EIF2B3: variants seen among roughly 807,000 people sequenced by gnomAD.
The protein encoded by EIF2B3 is translation initiation factor eIF2B subunit gamma.
A neutral mutation model predicts 54.1 loss-of-function variants in EIF2B3; 20 were observed. That is an observed-to-expected ratio of 0.37 (90% CI 0.26 to 0.54). The LOEUF (loss-of-function observed/expected upper bound fraction) is 0.54, where lower values mean the gene tolerates loss of function less well. Ranked by LOEUF, EIF2B3 falls within the 20% of genes least tolerant of loss-of-function variation. The pLI, the probability that EIF2B3 is intolerant of heterozygous loss-of-function variation, is 0.86. For synonymous variants in EIF2B3, 153 were observed against 188.1 expected (o/e 0.81, Z 1.52); for missense variants, 448 against 547.8 (o/e 0.82, Z 1.82).
chr1:44,923,006 T>C (rs1001558990), intron 5 of EIF2B3, among the ~76,000 whole-genome samples: 1 of 151,946 alleles, frequency 6.6e-6, no homozygotes, highest in Non-Finnish European at 1.5e-5. Flanking sequence ...CCACCATGCC[T>C]GGCTAATTCT....
chr1:44,966,200 G>A (rs963005703), intron 3 of EIF2B3, among the ~76,000 whole-genome samples: 10 of 152,062 alleles, frequency 6.6e-5, no homozygotes, highest in African/African-American at 2.4e-4. Context: ...AGCACTTCGG[G>A]AGGCTGAGGA....
At chr1:44,983,398 C>T (rs1418035043) in intron 1 of EIF2B3, among the ~76,000 whole-genome samples, 4 of 152,214 alleles carry the variant, frequency 2.6e-5, no homozygotes, top group Non-Finnish European at 5.9e-5. Flanking sequence ...AAGTGCAGCA[C>T]TTAACACCTA....
intron 3 of EIF2B3, among the ~76,000 whole-genome samples, chr1:44,975,454 G>A (rs1027472467): frequency 1.3e-5 from 2 of 152,076 alleles, no homozygotes. Flanking sequence ...ATAGCCTATT[G>A]TTCCTAGGTA....
rs1447969387 is a variant in EIF2B3 at position 44,875,521 on chromosome 1, G to A, written c.1053+97C>T. 9.8e-6 allele frequency: 11 copies of A among 1,123,630 alleles called. No individual in the cohort carries two copies. The East Asian group carries it at 2.4e-4, about 24-fold the overall frequency. 69.6% of individuals were successfully genotyped at this position (1,123,630 alleles called of 1,614,324 possible). On this transcript the variant is annotated intron_variant, in intron 9 of 11. Transcript: ENST00000360403. ...ACTGTGATTTCCCTGGGGCTGATGA[G>A]GTTCAGGACTTAAAGGCCTCAATCC...
In EIF2B3 at chr1:44,865,498, G is replaced by T. The variant is rs571616176; in HGVS notation, c.1203-7691C>A. 7.1e-4 allele frequency among the ~76,000 whole-genome samples: 107 copies of T among 151,532 alleles called. 2 individuals carry two copies. The highest frequency in any genetic ancestry group is 3.8e-3 in the Admixed American group (58 of 15,208). ...TATTATAGATAAAGCTTCCTTCTGTGGTTTTGTTTTTTCAATTTGGTGAGC... is the reference window on the plus strand; with the variant it reads ...TATTATAGATAAAGCTTCCTTCTGTTGTTTTGTTTTTTCAATTTGGTGAGC... On this transcript the variant is annotated intron_variant, in intron 10 of 11. Coordinates refer to ENST00000360403, the MANE Select transcript of EIF2B3 (RefSeq NM_020365.5).
intron 10 of EIF2B3, chr1:44,874,455 G>A: frequency 1.8e-6 from 1 of 556,606 alleles, no homozygotes. Flanking sequence ...TGAATCTCTT[G>A]TTTCTGATCT....
At position 44,897,277 on chromosome 1, in the gene EIF2B3, T is replaced by C. The variant is rs989006854; in HGVS notation, c.656+78A>G. The C allele has an allele frequency of 4.0e-5, 42 of 1,055,008 alleles. 1 individual carries two copies. The East Asian group carries it at 1.0e-3, about 26-fold the overall frequency. The allele number at this position is 1,055,008 out of a possible 1,614,324, so 65.4% of individuals were successfully genotyped here. A position where few individuals can be genotyped will look rare whatever the true frequency, so the allele number is the denominator to read the frequency against. ...TTTTAGAAACTGGTTATCTAAATTA[T>C]GAAGGTTTAAAATTTAAGGAATTCA... On this transcript the variant is annotated intron_variant, in intron 6 of 11. Transcript: ENST00000360403.
At chr1:44,913,100 G>A (rs994243253) in intron 5 of EIF2B3, among the ~76,000 whole-genome samples, 3 of 124,786 alleles carry the variant, frequency 2.4e-5, no homozygotes, top group East Asian at 2.6e-4. Flanking sequence ...AAGCAATTGC[G>A]GTTTTTGTTA....
intron 4 of EIF2B3, among the ~76,000 whole-genome samples, chr1:44,938,235 C>A (rs994738665): frequency 2.0e-5 from 3 of 152,192 alleles, no homozygotes; most frequent in East Asian, 1.9e-4. Flanking sequence ...TTAAAAAATG[C>A]TTATGATGGA....
intron 11 of EIF2B3, among the ~76,000 whole-genome samples, chr1:44,856,528 T>TA (rs150728949): frequency 0.098 from 9,993 of 102,280 alleles, 1,280 homozygotes; most frequent in African/African-American, 0.31. Flanking sequence ...AAATTAAAAT[T>TA]AAAAAAAAAA....
chr1:44,887,746 A>G (rs965923140), intron 6 of EIF2B3, among the ~76,000 whole-genome samples: 3 of 152,182 alleles, frequency 2.0e-5, no homozygotes, highest in Non-Finnish European at 4.4e-5. Context: ...CTCTATTAAA[A>G]GTACAAAAAT....
intron 10 of EIF2B3, among the ~76,000 whole-genome samples, chr1:44,872,987 C>G (rs536656151): frequency 6.6e-6 from 1 of 152,262 alleles, no homozygotes; most frequent in African/African-American, 2.4e-5. Flanking sequence ...CTTGTTTTAG[C>G]TTGGGAGAGG....
rs773280710 is a variant in EIF2B3 at position 44,850,537 on chromosome 1, C to T, written c.*414G>A. On this transcript the variant is annotated 3_prime_UTR_variant, in exon 12 of 12. Transcript: ENST00000360403. ...AGGCGTGGCACTGCCAGCAGCTAGG[C>T]CTATGGGTCTAGAAAGGCTGATTAG... The T allele has an allele frequency of 9.5e-6, 2 of 209,736 alleles. No homozygotes were observed. Among genetic ancestry groups the T allele is most frequent in the Admixed American group, 5.2e-5 (1 of 19,068 alleles). 13.0% of individuals were successfully genotyped at this position (209,736 alleles called of 1,614,324 possible). A position where few individuals can be genotyped will look rare whatever the true frequency, so the allele number is the denominator to read the frequency against.
At chr1:44,922,412 C>T (rs1348916521) in intron 5 of EIF2B3, among the ~76,000 whole-genome samples, 1 of 150,840 alleles carries the variant, frequency 6.6e-6, no homozygotes, top group Non-Finnish European at 1.5e-5. Flanking sequence ...CATGGTGAAA[C>T]CCCATCTCCA....
chr1:44,915,612 C>G (rs1228858361), intron 5 of EIF2B3, among the ~76,000 whole-genome samples: 1 of 152,094 alleles, frequency 6.6e-6, no homozygotes, highest in Non-Finnish European at 1.5e-5. Context: ...GATTCTCCAG[C>G]CTAGGTCTCC....
chr1:44,867,364 T>C (rs1373974440), intron 10 of EIF2B3, among the ~76,000 whole-genome samples: 1 of 152,116 alleles, frequency 6.6e-6, no homozygotes, highest in East Asian at 1.9e-4. Flanking sequence ...ATGAGAAAGA[T>C]GGGCAGGAGC....
At chr1:44,922,191 G>C (rs1643750551) in intron 5 of EIF2B3, among the ~76,000 whole-genome samples, 1 of 151,568 alleles carries the variant, frequency 6.6e-6, no homozygotes, top group African/African-American at 2.4e-5. Context: ...TGGAATTACA[G>C]GCGTGAGCCA....
At chr1:44,880,787 C>T (rs1408064788) in intron 7 of EIF2B3, among the ~76,000 whole-genome samples, 1 of 151,932 alleles carries the variant, frequency 6.6e-6, no homozygotes, top group Non-Finnish European at 1.5e-5. Flanking sequence ...ACAGAGAAAC[C>T]CCGTCTCTAC....
At position 44,859,282 on chromosome 1, in the gene EIF2B3, T is replaced by C. The variant is rs541554040; in HGVS notation, c.1203-1475A>G. Among the ~76,000 whole-genome samples, 15 of 147,010 alleles carry C rather than the reference T, an allele frequency of 1.0e-4. 1 individual carries two copies. The highest frequency in any genetic ancestry group is 4.1e-4 in the Admixed American group (6 of 14,806). On this transcript the variant is annotated intron_variant, in intron 10 of 11. Transcript: ENST00000360403. Reference sequence around the variant, plus strand: ...CACCACCGCACTCTAGCCTGGGCAATAGAGGGAGATCTTGTCATAAACGGA... The same window carrying C: ...CACCACCGCACTCTAGCCTGGGCAACAGAGGGAGATCTTGTCATAAACGGA...
Sources: gnomAD v4.1 joint callset for allele counts (sites outside exome capture counted in the v4.1 genomes callset) on GRCh38, gnomAD v4.1.1 for gene constraint, MANE v1.5 for transcripts, NCBI Gene and HGNC (gene_info 2026-07-23, HGNC 2026-07-21) for gene names.